CD109: variants seen among roughly 807,000 people sequenced by gnomAD.
CD109 encodes CD109 antigen.
In CD109, 149 loss-of-function variants were observed where a neutral mutation model predicts 165.8. The ratio of observed to expected loss-of-function variants is 0.90; its 90% confidence interval spans 0.79 to 1.03. The LOEUF (loss-of-function observed/expected upper bound fraction) is 1.03. Among genes scored for constraint, CD109 ranks in the 50% least tolerant of loss-of-function variants. The pLI is 0.00. For synonymous variants in CD109, 585 were observed against 592.1 expected (o/e 0.99, Z 0.18); for missense variants, 1,712 against 1,677.8 (o/e 1.02, Z -0.36).
At chr6:73,736,092 G>C (rs1176589117) in intron 4 of CD109, among the ~76,000 whole-genome samples, 1 of 152,058 alleles carries the variant, frequency 6.6e-6, no homozygotes, top group Non-Finnish European at 1.5e-5. Context: ...TAGAAATATA[G>C]AGCCTACGTT....
chr6:73,754,937 A>G (rs1374113601), intron 5 of CD109, among the ~76,000 whole-genome samples: 1 of 152,236 alleles, frequency 6.6e-6, no homozygotes, highest in Non-Finnish European at 1.5e-5. Context: ...ACTGTGATTT[A>G]TAGAGCCTCA....
intron 23 of CD109, 132 bp from the exon 24 acceptor site, chr6:73,803,088 A>ATAT: frequency 1.5e-6 from 1 of 645,480 alleles, no homozygotes; most frequent in South Asian, 1.8e-5. Flanking sequence ...AAAGTACTCA[A>ATAT]TATTAGCTCT....
the CD109 span, among the ~76,000 whole-genome samples, chr6:73,690,072 A>G: frequency 6.6e-6 from 1 of 152,018 alleles, no homozygotes; most frequent in Non-Finnish European, 1.5e-5. Context: ...GAATTTCTAA[A>G]TTCCCTTCCT....
intron 23 of CD109, among the ~76,000 whole-genome samples, chr6:73,800,419 C>T (rs370593880): frequency 3.1e-4 from 47 of 152,196 alleles, no homozygotes; most frequent in African/African-American, 8.9e-4. Flanking sequence ...TAATCTTCTG[C>T]GTATATATTT....
At position 73,791,164 on chromosome 6, in the gene CD109, T is replaced by TATATATACACATACAC. The variant is rs1774933976; in HGVS notation, c.2702-1455_2702-1454insCACATACACATATATA. The stretch of plus-strand genomic sequence containing the variant: ...ATATATATATATATATATATATATA[T>TATATATACACATACAC]ATATATATATATACACACACACACA... On this transcript the variant is annotated intron_variant, in intron 22 of 32. Transcript: ENST00000287097. Among the ~76,000 whole-genome samples, 10 of 64,098 alleles carry TATATATACACATACAC rather than the reference T, an allele frequency of 1.6e-4. No homozygotes were observed. The South Asian group carries it at 2.0e-3, about 13-fold the overall frequency. 42.1% of individuals were successfully genotyped at this position (64,098 alleles called of 152,430 possible). A position where few individuals can be genotyped will look rare whatever the true frequency, so the allele number is the denominator to read the frequency against.
chr6:73,753,289 G>C (rs146371319), intron 5 of CD109, among the ~76,000 whole-genome samples: 77 of 152,154 alleles, frequency 5.1e-4, no homozygotes, highest in African/African-American at 1.8e-3. Context: ...ATTAATGAAA[G>C]TACTCAGTAT....
chr6:73,763,716 G>A lies in CD109; in HGVS notation c.1107+31G>A, dbSNP rs766401788. The A allele has an allele frequency of 8.0e-6, 9 of 1,129,182 alleles. No individual in the cohort carries two copies. In the East Asian group the frequency reaches 1.7e-4, roughly 21 times the overall value. 69.9% of individuals were successfully genotyped at this position (1,129,182 alleles called of 1,614,324 possible). On this transcript the variant is annotated intron_variant, in intron 10 of 32. Coordinates refer to ENST00000287097, the MANE Select transcript of CD109 (RefSeq NM_133493.5). ...TTGGTATATTTATTTCCAGTCCATA[G>A]CAGTAAGTTCAGCTTAATGAAATAG...
In CD109 at chr6:73,696,327, G is replaced by C. The variant is rs564040217; in HGVS notation, c.74+38G>C. 77 of 1,392,062 alleles carry C rather than the reference G, an allele frequency of 5.5e-5. No individual in the cohort carries two copies. In the African/African-American group the frequency reaches 1.1e-3, roughly 20 times the overall value. The allele number at this position is 1,392,062 out of a possible 1,614,324, so 86.2% of individuals were successfully genotyped here. On this transcript the variant is annotated intron_variant, in intron 1 of 32. Transcript: ENST00000287097. ...GCGCGCGGGGGGCGCGCGGGCGCGC[G>C]GGCCTGGGCCGCTCTGCGGCTCTGG...
intron 23 of CD109, among the ~76,000 whole-genome samples, chr6:73,793,345 T>C (rs544491111): frequency 3.3e-5 from 5 of 152,344 alleles, no homozygotes; most frequent in African/African-American, 1.2e-4. Flanking sequence ...AGACTGTATC[T>C]TGACACCTTG....
At position 73,793,806 on chromosome 6, in the gene CD109, A is replaced by G. The variant is rs547499263; in HGVS notation, c.2878+1004A>G. On this transcript the variant is annotated intron_variant, in intron 23 of 32. Transcript: ENST00000287097. ...GAGTTTTTCTCTCTGCACAATTTGTATGATATATCCCGTCCATCAAATTCA... is the reference window on the plus strand; with the variant it reads ...GAGTTTTTCTCTCTGCACAATTTGTGTGATATATCCCGTCCATCAAATTCA... Among the ~76,000 whole-genome samples the G allele has an allele frequency of 2.6e-5, 4 of 152,348 alleles. No homozygotes were observed. The South Asian group carries it at 6.2e-4, about 24-fold the overall frequency.
At chr6:73,690,190 A>G in the CD109 span, among the ~76,000 whole-genome samples, 1 of 152,120 alleles carries the variant, frequency 6.6e-6, no homozygotes, top group Non-Finnish European at 1.5e-5. Flanking sequence ...TTACTCCTGG[A>G]ATTTTTCCTA....
intron 5 of CD109, among the ~76,000 whole-genome samples, chr6:73,739,217 A>G (rs752288250): frequency 3.9e-5 from 6 of 152,236 alleles, no homozygotes; most frequent in Non-Finnish European, 5.9e-5. Context: ...GGTACTTGTC[A>G]TTTGAGGTAT....
the CD109 span, among the ~76,000 whole-genome samples, chr6:73,679,836 T>C: frequency 7.6e-4 from 116 of 152,300 alleles, 1 homozygote; most frequent in South Asian, 0.024. Context: ...GGTTTCACCA[T>C]GTTGGCCAGG....
intron 16 of CD109, among the ~76,000 whole-genome samples, chr6:73,780,888 T>G (rs1774463174): frequency 1.5e-5 from 2 of 137,186 alleles, no homozygotes; most frequent in African/African-American, 5.6e-5. Flanking sequence ...GAAATGGCTC[T>G]TATGCATGAG....
intron 4 of CD109, among the ~76,000 whole-genome samples, chr6:73,734,379 G>T (rs758226594): frequency 2.6e-5 from 4 of 152,196 alleles, no homozygotes; most frequent in African/African-American, 9.7e-5. Flanking sequence ...GTAACACCAA[G>T]AATTATTGTT....
chr6:73,810,925 ACTAAATTTACT>A, intron 27 of CD109, 56 bp from the exon 28 acceptor site: 1 of 1,457,450 alleles, frequency 6.9e-7, no homozygotes, highest in South Asian at 1.3e-5. Context: ...ACAAAATACT[ACTAAATTTACT>A]CTTTGAAGAC....
At position 73,785,367 on chromosome 6, in the gene CD109, C is replaced by T; in HGVS notation, c.2227C>T (p.Gln743Ter). 1.3e-6 allele frequency: 2 copies of T among 1,579,144 alleles called. No individual in the cohort carries two copies. The highest frequency in any genetic ancestry group is 1.1e-5 in the South Asian group (1 of 88,668). The change falls in exon 20 of 33, where the codon CAA becomes TAA. Residue 743 changes from glutamine to a stop codon, truncating the protein, a stop_gained. Coordinates refer to ENST00000287097, the MANE Select transcript of CD109 (RefSeq NM_133493.5). LOFTEE classifies it high-confidence loss of function. ...GTACTCGTTGTGTTCTTTCCAGCTC[C>T]AAGCCTTCCAACCATTTTTCATTTT... is the stretch of plus-strand genomic sequence containing the variant. Reference protein sequence around the residue: ...LGLTTTPVELQAFQPFFIFLN... With the variant: ...LGLTTTPVEL
intron 10 of CD109, among the ~76,000 whole-genome samples, chr6:73,765,582 A>G (rs1203134399): frequency 6.6e-6 from 1 of 152,176 alleles, no homozygotes; most frequent in African/African-American, 2.4e-5. Context: ...CAAGCTAAGC[A>G]ATAGGATTGC....
At chr6:73,796,144 A>G (rs1775156365) in intron 23 of CD109, among the ~76,000 whole-genome samples, 1 of 152,184 alleles carries the variant, frequency 6.6e-6, no homozygotes, top group South Asian at 2.1e-4. Flanking sequence ...CTTCCTGACT[A>G]GTCTTTTTCT....
Sources: gnomAD v4.1 joint callset for allele counts (sites outside exome capture counted in the v4.1 genomes callset) on GRCh38, gnomAD v4.1.1 for gene constraint, MANE v1.5 for transcripts, NCBI Gene and HGNC (gene_info 2026-07-23, HGNC 2026-07-21) for gene names.